Variants in FRYL observed in about 807,000 individuals in gnomAD.
FRYL encodes the protein FRY like transcription coactivator.
Under a neutral mutation model 351.2 loss-of-function variants are expected in FRYL, and 150 were observed. The observed-to-expected ratio is 0.43, with a 90% CI of 0.37 to 0.49. FRYL has a LOEUF of 0.49. Ranked by LOEUF, FRYL falls within the 20% of genes least tolerant of loss-of-function variation. The pLI is 0.00. For missense variants in FRYL, 3,036 were observed against 3,619.3 expected (o/e 0.84, Z 4.13); for synonymous variants, 1,153 against 1,257.1 (o/e 0.92, Z 1.75).
chr4:48,570,964 A>G, intron 26 of FRYL, 46 bp from the exon 27 acceptor site: 3 of 1,456,490 alleles, frequency 2.1e-6, no homozygotes, highest in Non-Finnish European at 2.9e-6. Context: ...TGCTGGTGTA[A>G]CTTGGAAAGA....
At chr4:48,545,126 A>G (rs1226146488) in intron 42 of FRYL, among the ~76,000 whole-genome samples, 1 of 152,212 alleles carries the variant, frequency 6.6e-6, no homozygotes, top group Non-Finnish European at 1.5e-5. Context: ...ATTCTCTCAG[A>G]CGTAGTAGAA....
intron 3 of FRYL, among the ~76,000 whole-genome samples, chr4:48,647,171 A>C (rs1269469275): frequency 6.6e-6 from 1 of 152,166 alleles, no homozygotes; most frequent in Non-Finnish European, 1.5e-5. Flanking sequence ...TGAAGAACAA[A>C]GGCAGATCCA....
At position 48,576,228 on chromosome 4, in the gene FRYL, G is replaced by GAA. The variant is rs200906045; in HGVS notation, c.2529-8_2529-7dup. 6 of 1,496,258 alleles carry GAA rather than the reference G, an allele frequency of 4.0e-6. No homozygotes were observed. Among genetic ancestry groups the GAA allele is most frequent in the Admixed American group, 4.6e-5 (2 of 43,848 alleles). 92.7% of individuals were successfully genotyped at this position (1,496,258 alleles called of 1,614,324 possible). On this transcript the variant is annotated splice_polypyrimidine_tract_variant and splice_region_variant and intron_variant, in intron 23 of 63. Coordinates refer to ENST00000358350, the MANE Select transcript of FRYL (RefSeq NM_015030.2). ...TCTTAGCATTGATGGGGCTACTAAG[G>GAA]AAAAAAAAAGAAAAATAGGCAGATA...
At chr4:48,654,901 A>C (rs1184574873) in intron 3 of FRYL, among the ~76,000 whole-genome samples, 1 of 152,178 alleles carries the variant, frequency 6.6e-6, no homozygotes, top group Non-Finnish European at 1.5e-5. Context: ...GCCTCATATT[A>C]GTTTACTGTG....
At chr4:48,638,279 A>T (rs915949627) in intron 3 of FRYL, 7 of 152,182 alleles carry the variant, frequency 4.6e-5, no homozygotes, top group Admixed American at 4.6e-4. Context: ...GTATTACAAT[A>T]ATTATTATTT....
intron 22 of FRYL, chr4:48,580,353 T>C (rs1228642915): frequency 6.6e-6 from 1 of 152,506 alleles, no homozygotes; most frequent in Non-Finnish European, 1.5e-5. Flanking sequence ...GTAATATGTT[T>C]GTGGACAAAG....
intron 17 of FRYL, 125 bp from the exon 18 acceptor site, chr4:48,590,002 T>C: frequency 2.7e-6 from 2 of 753,896 alleles, no homozygotes; most frequent in South Asian, 3.6e-5. Context: ...GGGTTTCAAC[T>C]GTGACATATT....
At chr4:48,732,363 G>C (rs1770818308) in intron 1 of FRYL, among the ~76,000 whole-genome samples, 1 of 152,030 alleles carries the variant, frequency 6.6e-6, no homozygotes, top group African/African-American at 2.4e-5. Flanking sequence ...TGGAAGACAG[G>C]GTGGTGATTC....
intron 22 of FRYL, among the ~76,000 whole-genome samples, chr4:48,580,302 C>T (rs1170142460): frequency 6.6e-6 from 1 of 151,892 alleles, no homozygotes; most frequent in Non-Finnish European, 1.5e-5. Context: ...GACCTTTTAC[C>T]CAACCAAGAC....
chr4:48,592,082 T>TTTTATATATATATATATA (rs1553941949), intron 16 of FRYL, among the ~76,000 whole-genome samples: 3 of 116,178 alleles, frequency 2.6e-5, no homozygotes, highest in Non-Finnish European at 5.0e-5. Context: ...AATAAAGCTC[T>TTTTATATATATATATATA]TATATATATA....
At chr4:48,600,849 T>C (rs2149247642) in intron 13 of FRYL, among the ~76,000 whole-genome samples, 1 of 152,234 alleles carries the variant, frequency 6.6e-6, no homozygotes, top group African/African-American at 2.4e-5. Flanking sequence ...TTGCATGACA[T>C]AAAGAGTTCA....
At chr4:48,566,160 A>T (rs1736732812) in intron 28 of FRYL, among the ~76,000 whole-genome samples, 1 of 152,144 alleles carries the variant, frequency 6.6e-6, no homozygotes, top group South Asian at 2.1e-4. Context: ...TGCTAAAGGA[A>T]GCTTACATGT....
At chr4:48,668,243 C>T (rs1375462161) in intron 3 of FRYL, among the ~76,000 whole-genome samples, 1 of 152,178 alleles carries the variant, frequency 6.6e-6, no homozygotes, top group Non-Finnish European at 1.5e-5. Flanking sequence ...AAAAGGTTTA[C>T]TAACTGCTGT....
intron 8 of FRYL, among the ~76,000 whole-genome samples, chr4:48,609,304 T>C (rs1560707838): frequency 1.3e-5 from 2 of 152,314 alleles, no homozygotes; most frequent in South Asian, 2.1e-4. Context: ...AAATCTTTCT[T>C]ATCAGCATTT....
chr4:48,630,310 A>T (rs1387628679), intron 4 of FRYL, among the ~76,000 whole-genome samples: 1 of 152,230 alleles, frequency 6.6e-6, no homozygotes, highest in Non-Finnish European at 1.5e-5. Flanking sequence ...AAACCAGCAG[A>T]AAAATGCAGT....
intron 7 of FRYL, among the ~76,000 whole-genome samples, chr4:48,614,983 C>T (rs534003125): frequency 4.6e-5 from 7 of 151,660 alleles, no homozygotes; most frequent in African/African-American, 1.2e-4. Context: ...CCCGCCAACA[C>T]GCCCGGCTAA....
chr4:48,518,212 T>C (rs1477597360), intron 55 of FRYL, among the ~76,000 whole-genome samples: 1 of 152,236 alleles, frequency 6.6e-6, no homozygotes, highest in Non-Finnish European at 1.5e-5. Flanking sequence ...CACTGTAGTT[T>C]GGCTTAATAA....
At chr4:48,670,850 G>A (rs1762537791) in intron 3 of FRYL, among the ~76,000 whole-genome samples, 1 of 152,118 alleles carries the variant, frequency 6.6e-6, no homozygotes, top group African/African-American at 2.4e-5. Context: ...TAATCTGTTG[G>A]TGGACATTTA....
chr4:48,565,332 T>C lies in FRYL; in HGVS notation c.3330+199A>G, dbSNP rs1455781347. 2.0e-5 allele frequency among the ~76,000 whole-genome samples: 3 copies of C among 152,314 alleles called. No individual in the cohort carries two copies. In the East Asian group the frequency reaches 5.8e-4, roughly 29 times the overall value. On this transcript the variant is annotated intron_variant, in intron 29 of 63. Transcript: ENST00000358350. ...AATCCTAAGTTCTTTAAGATAATGG[T>C]GATCAAATTTGAGTAGATTCTGGAA... is the stretch of plus-strand genomic sequence containing the variant.
Sources: allele counts gnomAD v4.1 joint callset (sites outside exome capture counted in the v4.1 genomes callset), GRCh38; gene constraint gnomAD v4.1.1; transcripts MANE v1.5; gene names NCBI Gene and HGNC (gene_info 2026-07-23, HGNC 2026-07-21).